MVB12A: variants seen among roughly 807,000 people sequenced by gnomAD.
MVB12A encodes the protein CIN85/CD2AP family binding protein.
MVB12A carries 30 observed loss-of-function variants against 34.3 expected under a neutral mutation model. That is an observed-to-expected ratio of 0.88 (90% confidence interval 0.65 to 1.19). The LOEUF is 1.19. Ranked by LOEUF, MVB12A falls within the 50% of genes most tolerant of loss-of-function variation. MVB12A has a pLI of 0.00. For missense variants in MVB12A, 355 were observed against 369.2 expected (o/e 0.96, Z 0.31); for synonymous variants, 158 against 158.9 (o/e 0.99, Z 0.04).
exon 2 of MVB12A, chr19:17,406,264 A>C (rs1323380915): frequency 1.3e-5 from 2 of 152,164 alleles, no homozygotes; most frequent in African/African-American, 4.8e-5. Context: ...TCCTACTTCC[A>C]GAAAAAGTGC....
At chr19:17,408,847 T>TTTTTGGG (rs2074745181) in intron 2 of MVB12A, among the ~76,000 whole-genome samples, 1 of 135,704 alleles carries the variant, frequency 7.4e-6, no homozygotes. Flanking sequence ...TTTTTTTTTT[T>TTTTTGGG]GAGAGGGAAT....
rs1375212841 is a variant in MVB12A at position 17,410,527 on chromosome 19, T to TACACACACACACACACACACACAC, written c.-5+4232_-5+4233insCACACACACACACACACACACACA. Among the ~76,000 whole-genome samples, 22 of 78,036 alleles carry TACACACACACACACACACACACAC rather than the reference T, an allele frequency of 2.8e-4. 1 individual carries two copies. Among genetic ancestry groups the TACACACACACACACACACACACAC allele is most frequent in the African/African-American group, 1.3e-3 (20 of 15,510 alleles). 51.2% of individuals were successfully genotyped at this position (78,036 alleles called of 152,430 possible). A position where few individuals can be genotyped will look rare whatever the true frequency, so the allele number is the denominator to read the frequency against. ...ATATATATATATATATATATATATA[T>TACACACACACACACACACACACAC]ATACACACACACATATATATATACA... is the stretch of plus-strand genomic sequence containing the variant. On this transcript the variant is annotated intron_variant, in intron 2 of 6. Coordinates refer to the MVB12A transcript ENST00000528604.
Position 17,423,260 on chromosome 19 carries a change from G to T in MVB12A, c.414-238G>T, listed in dbSNP as rs554167596. Among the ~76,000 whole-genome samples, 153 of 150,422 alleles carry T rather than the reference G, an allele frequency of 1.0e-3. 2 individuals are homozygous for T. The highest frequency in any genetic ancestry group is 3.5e-3 in the Middle Eastern group (1 of 288). ...TGTAATCCCAGCTAATCCAGAGGCT[G>T]AGGCAGGAGAATCGTTTGAACCTGG... On this transcript the variant is annotated intron_variant, in intron 4 of 8. Coordinates refer to ENST00000317040, the MANE Select transcript of MVB12A (RefSeq NM_138401.4).
intron 2 of MVB12A, chr19:17,413,199 C>T (rs1024823388): frequency 3.9e-5 from 6 of 151,974 alleles, no homozygotes; most frequent in African/African-American, 1.5e-4. Context: ...AGTCTCCAGA[C>T]CTAACTTTCC....
Position 17,420,794 on chromosome 19 carries a change from C to T in MVB12A, c.286+160C>T, listed in dbSNP as rs2074834029. On this transcript the variant is annotated intron_variant, in intron 3 of 8. Transcript: ENST00000317040. ...ACTCAGAGCCCTGCCCTAGGGTGGA[C>T]CGACATCCCCTGTCCTGATTCAAAA... 3.1e-5 allele frequency: 20 copies of T among 637,018 alleles called. No individual in the cohort carries two copies. In the South Asian group the frequency reaches 3.4e-4, roughly 11 times the overall value. 39.5% of individuals were successfully genotyped at this position (637,018 alleles called of 1,614,324 possible).
chr19:17,408,825 A>G (rs545320455), intron 2 of MVB12A, among the ~76,000 whole-genome samples: 112 of 111,528 alleles, frequency 1.0e-3, no homozygotes, highest in African/African-American at 3.4e-3. Flanking sequence ...GGTTTCTGCC[A>G]TTACTTTTTT....
At chr19:17,424,558 G>A in intron 7 of MVB12A, 63 bp from the exon 8 acceptor site, 1 of 1,554,742 alleles carries the variant, frequency 6.4e-7, no homozygotes, top group Non-Finnish European at 8.8e-7. Flanking sequence ...ACCCCTTGAA[G>A]ACGAAGGAAA....
At chr19:17,424,798 G>A (rs2074860212) in intron 8 of MVB12A, 121 bp downstream of exon 8, 3 of 1,372,042 alleles carry the variant, frequency 2.2e-6, no homozygotes, top group Non-Finnish European at 3.0e-6. Flanking sequence ...CTTTGCCCCA[G>A]ACACACACCA....
exon 1 of MVB12A, chr19:17,405,771 G>A (rs1272388261): frequency 7.1e-6 from 3 of 420,116 alleles, no homozygotes; most frequent in Admixed American, 7.2e-5. Flanking sequence ...CCAGAAAGGA[G>A]GTGGGCTTTT....
chr19:17,420,023 C>CA (rs1208390837), upstream of MVB12A: 2 of 473,192 alleles, frequency 4.2e-6, no homozygotes, highest in East Asian at 9.7e-5. Flanking sequence ...CCGCCCCCCC[C>CA]CCCCGCATGG....
chr19:17,420,018 C>T (rs889062272), upstream of MVB12A: 3 of 360,500 alleles, frequency 8.3e-6, no homozygotes, highest in African/African-American at 7.0e-5. Context: ...AATCTCCGCC[C>T]CCCCCCCCCG....
chr19:17,419,545 G>A (rs1332696984), upstream of MVB12A: 2 of 152,198 alleles, frequency 1.3e-5, no homozygotes. Flanking sequence ...TCCCACAGAT[G>A]ATTTCCTTTG....
In MVB12A at chr19:17,423,994, C is replaced by T. The variant is rs374478408; in HGVS notation, c.641-12C>T. 80 of 1,613,944 alleles carry T rather than the reference C, an allele frequency of 5.0e-5. 1 individual carries two copies. Among genetic ancestry groups the T allele is most frequent in the Non-Finnish European group, 6.4e-5 (76 of 1,179,952 alleles). ...CTACACCTCACCTCCTCCCCTCGCA[C>T]GTGTTTTTCAGCCATGGATGGGGTT... On this transcript the variant is annotated splice_polypyrimidine_tract_variant and intron_variant, in intron 6 of 8. Coordinates refer to ENST00000317040, the MANE Select transcript of MVB12A (RefSeq NM_138401.4).
chr19:17,420,344 G>C lies in MVB12A; in HGVS notation c.122G>C (p.Ser41Thr), dbSNP rs371492135. The stretch of plus-strand genomic sequence containing the variant: ...TGCACCGTCGAGGGGGCACCCGCCA[G>C]CTTTGGCAAGAGCTTCGCGCAGAAA... Reference protein sequence around the residue: ...ISCTVEGAPASFGKSFAQKSG... With the variant: ...ISCTVEGAPATFGKSFAQKSG... The change falls in exon 2 of 9, where the codon AGC (serine) becomes ACC (threonine). Residue 41 changes from serine (S) to threonine (T), a missense_variant. Physicochemically the swap from Ser to Thr is moderately conservative, Grantham distance 58 (BLOSUM62 1). Coordinates refer to ENST00000317040, the MANE Select transcript of MVB12A (RefSeq NM_138401.4). 45 of 1,613,238 alleles carry C rather than the reference G, an allele frequency of 2.8e-5. No individual in the cohort carries two copies. Among genetic ancestry groups the C allele is most frequent in the Non-Finnish European group, 3.6e-5 (42 of 1,179,674 alleles).
chr19:17,417,305 A>C (rs542200575), upstream of MVB12A: 2 of 202,964 alleles, frequency 9.9e-6, no homozygotes, highest in East Asian at 2.5e-4. Flanking sequence ...TGAACAGAAC[A>C]TGAAGAATCC....
At chr19:17,420,459 T>C in intron 2 of MVB12A, 48 bp downstream of exon 2, 1 of 1,599,726 alleles carries the variant, frequency 6.3e-7, no homozygotes. Flanking sequence ...CCACCTCCCC[T>C]GCCCATTCAC....
In MVB12A at chr19:17,422,463, G is replaced by A. The variant is rs924882177; in HGVS notation, c.413+5G>A. 11 of 1,605,578 alleles carry A rather than the reference G, an allele frequency of 6.9e-6. No homozygotes were observed. In the African/African-American group the frequency reaches 8.0e-5, roughly 12 times the overall value. ...GCCTGGATACCTTCGAATAGGGTAG[G>A]GCCACCCCCCAGTGTCTAGCCACCT... is the stretch of plus-strand genomic sequence containing the variant. On this transcript the variant is annotated splice_donor_5th_base_variant and intron_variant, in intron 4 of 8. Transcript: ENST00000317040.
In MVB12A at chr19:17,420,313, A is replaced by G. The variant is rs1443785800; in HGVS notation, c.91A>G (p.Ile31Val). ...GCGCTGACCCGCGTCCTCCCGGTAG[A>G]TCTCCTGCACCGTCGAGGGGGCACC... ...SAPPPRGFSA[I>V]SCTVEGAPAS... Residue 31 changes from isoleucine to valine, a missense_variant and splice_region_variant, in exon 2 of 9, where the codon ATC becomes GTC. Ile to Val is a conservative substitution (Grantham distance 29, BLOSUM62 3). Coordinates refer to ENST00000317040, the MANE Select transcript of MVB12A (RefSeq NM_138401.4). 2 of 1,593,826 alleles carry G rather than the reference A, an allele frequency of 1.3e-6. No homozygotes were observed. The highest frequency in any genetic ancestry group is 2.3e-5 in the East Asian group (1 of 44,146).
upstream of MVB12A, among the ~76,000 whole-genome samples, chr19:17,416,056 G>A (rs1020510549): frequency 6.6e-6 from 1 of 152,146 alleles, no homozygotes; most frequent in African/African-American, 2.4e-5. Flanking sequence ...TTAGGCTATG[G>A]TTTAAATAAC....
Sources: gnomAD v4.1 joint callset for allele counts (sites outside exome capture counted in the v4.1 genomes callset) on GRCh38, gnomAD v4.1.1 for gene constraint, MANE v1.5 for transcripts, NCBI Gene and HGNC (gene_info 2026-07-23, HGNC 2026-07-21) for gene names.